Variants in ZNF618 observed in about 807,000 individuals in gnomAD.
The protein encoded by ZNF618 is neural precursor cell expressed, developmentally down-regulated 10.
In ZNF618, 34 loss-of-function variants were observed where a neutral mutation model predicts 103.0. The ratio of observed to expected loss-of-function variants is 0.33; its 90% confidence interval spans 0.25 to 0.44. The LOEUF is 0.44. ZNF618 is among the 20% of genes least tolerant of loss of function. The pLI is 1.00. For missense variants in ZNF618, 1,059 were observed against 1,295.4 expected (o/e 0.82, Z 2.80); for synonymous variants, 551 against 542.2 (o/e 1.02, Z -0.23).
intron 1 of ZNF618, among the ~76,000 whole-genome samples, chr9:113,918,238 A>G (rs188900127): frequency 1.3e-5 from 2 of 152,324 alleles, no homozygotes; most frequent in South Asian, 4.1e-4. Flanking sequence ...ACTGTATGAC[A>G]TCGGGGACCT....
chr9:114,016,609 G>T, intron 9 of ZNF618, 86 bp from the exon 10 acceptor site: 1 of 956,944 alleles, frequency 1.0e-6, no homozygotes, highest in Non-Finnish European at 1.6e-6. Flanking sequence ...GAATGGGGAG[G>T]AGTTTTTTGG....
chr9:114,054,255 G>A lies in ZNF618; in HGVS notation c.*4088G>A, dbSNP rs1460103870. Reference sequence around the variant, plus strand: ...CTTCTGGAGAGATGTTAGGAATATAGCACATGCTCTCTGGGGGCCACAGGG... The same window carrying A: ...CTTCTGGAGAGATGTTAGGAATATAACACATGCTCTCTGGGGGCCACAGGG... On this transcript the variant is annotated 3_prime_UTR_variant, in exon 15 of 15. Transcript: ENST00000374126. 1 of 152,574 alleles carries A rather than the reference G, an allele frequency of 6.6e-6. No individual in the cohort carries two copies. The highest frequency in any genetic ancestry group is 2.1e-4 in the South Asian group (1 of 4,818). The allele number at this position is 152,574 out of a possible 1,614,324, so 9.5% of individuals were successfully genotyped here. A position where few individuals can be genotyped will look rare whatever the true frequency, so the allele number is the denominator to read the frequency against.
intron 9 of ZNF618, 59 bp downstream of exon 9, chr9:114,008,613 G>T: frequency 6.3e-7 from 1 of 1,596,426 alleles, no homozygotes; most frequent in Non-Finnish European, 8.6e-7. Flanking sequence ...GGGAGGCAGG[G>T]CTCAGTCTCA....
At chr9:113,910,739 G>A (rs1347899931) in intron 1 of ZNF618, among the ~76,000 whole-genome samples, 7 of 152,100 alleles carry the variant, frequency 4.6e-5, no homozygotes, top group South Asian at 4.2e-4. Flanking sequence ...CTCAGGGCCC[G>A]TCTTCCCGTC....
At chr9:114,026,831 T>G (rs1417314651) in intron 10 of ZNF618, among the ~76,000 whole-genome samples, 2 of 152,132 alleles carry the variant, frequency 1.3e-5, no homozygotes, top group Admixed American at 1.3e-4. Flanking sequence ...TGAGACTTGC[T>G]ATGTGGAGAG....
At chr9:113,901,839 A>G (rs1415562110) in intron 1 of ZNF618, among the ~76,000 whole-genome samples, 2 of 151,582 alleles carry the variant, frequency 1.3e-5, no homozygotes, top group South Asian at 2.1e-4. Context: ...TCTCCGGACT[A>G]TTTCTGTTTT....
At chr9:113,937,986 C>T (rs1186406641) in intron 1 of ZNF618, among the ~76,000 whole-genome samples, 23 of 152,118 alleles carry the variant, frequency 1.5e-4, no homozygotes, top group Admixed American at 1.4e-3. Context: ...TGTTCTTCTA[C>T]ATGAGCTTTA....
chr9:114,019,036 G>A (rs4979327), intron 10 of ZNF618, among the ~76,000 whole-genome samples: 43,075 of 152,080 alleles, frequency 0.28, 7,740 homozygotes, highest in East Asian at 0.6. Flanking sequence ...TCTGGGTCTG[G>A]TGAGTGTCCA....
At chr9:113,986,289 G>A (rs536239558) in intron 2 of ZNF618, among the ~76,000 whole-genome samples, 14 of 152,348 alleles carry the variant, frequency 9.2e-5, no homozygotes, top group Admixed American at 5.9e-4. Context: ...AGTGGTTGGC[G>A]CGATAGCCCT....
intron 11 of ZNF618, among the ~76,000 whole-genome samples, chr9:114,031,863 T>C (rs570881990): frequency 6.7e-6 from 1 of 149,894 alleles, no homozygotes; most frequent in South Asian, 2.1e-4. Flanking sequence ...TTGGAAAAGC[T>C]GGGCTGTCTT....
intron 4 of ZNF618, among the ~76,000 whole-genome samples, chr9:114,000,482 T>C (rs952177942): frequency 2.4e-5 from 3 of 127,266 alleles, no homozygotes; most frequent in Non-Finnish European, 5.4e-5. Context: ...GTAAGTCTTT[T>C]TGTGATTTTT....
intron 1 of ZNF618, among the ~76,000 whole-genome samples, chr9:113,876,675 G>A (rs758616410): frequency 2.0e-5 from 3 of 151,982 alleles, no homozygotes; most frequent in Non-Finnish European, 4.4e-5. Flanking sequence ...TCGGACCGGA[G>A]CCCAGAAAAC....
chr9:113,955,648 A>G (rs978072475), intron 1 of ZNF618, among the ~76,000 whole-genome samples: 3 of 151,558 alleles, frequency 2.0e-5, no homozygotes, highest in Non-Finnish European at 4.4e-5. Context: ...TTTGAGTTTG[A>G]GCATGTGTTC....
chr9:113,917,923 A>T (rs1029164056), intron 1 of ZNF618, among the ~76,000 whole-genome samples: 1 of 152,220 alleles, frequency 6.6e-6, no homozygotes, highest in African/African-American at 2.4e-5. Flanking sequence ...TTGGATTAAT[A>T]TAATACTGTT....
At chr9:114,016,284 G>T (rs561300408) in intron 9 of ZNF618, 2 of 903,300 alleles carry the variant, frequency 2.2e-6, no homozygotes, top group South Asian at 1.5e-5. Context: ...CCCGGGTGTG[G>T]CCACTGCAGA....
At chr9:113,965,742 C>T (rs1347200871) in intron 1 of ZNF618, among the ~76,000 whole-genome samples, 1 of 152,082 alleles carries the variant, frequency 6.6e-6, no homozygotes, top group African/African-American at 2.4e-5. Context: ...GACTCAGAGC[C>T]AGGGAAACAA....
At chr9:113,909,497 T>C (rs1271148473) in intron 1 of ZNF618, among the ~76,000 whole-genome samples, 1 of 152,126 alleles carries the variant, frequency 6.6e-6, no homozygotes, top group African/African-American at 2.4e-5. Context: ...CTGTCAGGGC[T>C]CAGTGGGCAG....
At chr9:114,038,431 T>C (rs564813236) in intron 13 of ZNF618, among the ~76,000 whole-genome samples, 1 of 152,308 alleles carries the variant, frequency 6.6e-6, no homozygotes, top group South Asian at 2.1e-4. Context: ...TGGCCGGCCA[T>C]CCAGCGCAAA....
intron 1 of ZNF618, among the ~76,000 whole-genome samples, chr9:113,917,772 T>G (rs1832261774): frequency 6.6e-6 from 1 of 152,178 alleles, no homozygotes; most frequent in African/African-American, 2.4e-5. Context: ...AACTTTGATT[T>G]CGAAAGATTT....
Sources: gnomAD v4.1 joint callset for allele counts (sites outside exome capture counted in the v4.1 genomes callset) on GRCh38, gnomAD v4.1.1 for gene constraint, MANE v1.5 for transcripts, NCBI Gene and HGNC (gene_info 2026-07-23, HGNC 2026-07-21) for gene names.